UBR1: variants seen among roughly 807,000 people sequenced by gnomAD.
The protein encoded by UBR1 is E3 ubiquitin-protein ligase UBR1.
A neutral mutation model predicts 242.1 loss-of-function variants in UBR1; 102 were observed. The observed-to-expected ratio is 0.42, with a 90% CI of 0.36 to 0.50. The LOEUF is 0.50. UBR1 is among the 20% of genes least tolerant of loss of function. The pLI, the probability that UBR1 is intolerant of heterozygous loss-of-function variation, is 0.01. For synonymous variants in UBR1, 675 were observed against 684.8 expected, an observed-to-expected ratio of 0.99 and a Z score of 0.22; for missense variants, 1,772 against 2,101.8, an observed-to-expected ratio of 0.84 and a Z score of 3.07.
In UBR1 at chr15:42,943,271, C is replaced by G. The variant is rs951224625; in HGVS notation, c.*2058G>C. 1.3e-5 allele frequency: 2 copies of G among 152,630 alleles called. No individual in the cohort carries two copies. Among genetic ancestry groups the G allele is most frequent in the Non-Finnish European group, 2.9e-5 (2 of 68,046 alleles). 9.5% of individuals were successfully genotyped at this position (152,630 alleles called of 1,614,324 possible). A position where few individuals can be genotyped will look rare whatever the true frequency, so the allele number is the denominator to read the frequency against. ...CTGGAGCCATCCTGTTGAACCAGTG[C>G]CTTCACATACTACACTAAAGAAAAT... On this transcript the variant is annotated 3_prime_UTR_variant, in exon 47 of 47. Transcript: ENST00000290650.
At chr15:43,070,057 T>G (rs1427288172) in intron 5 of UBR1, among the ~76,000 whole-genome samples, 1 of 152,022 alleles carries the variant, frequency 6.6e-6, no homozygotes, top group Non-Finnish European at 1.5e-5. Flanking sequence ...GCCAGTAAAC[T>G]CAAAGAATGA....
In UBR1 at chr15:43,048,422, T is replaced by C; in HGVS notation, c.1509A>G (p.Arg503=). 6.2e-7 allele frequency: 1 copy of C among 1,613,652 alleles called. No homozygotes were observed. Among genetic ancestry groups the C allele is most frequent in the Non-Finnish European group, 8.5e-7 (1 of 1,179,844 alleles). ...TACAGGTAAGAATCTTCAAAAAAGATCGAAAACCTTCAAGGAACTGCATTC... is the reference window on the plus strand; with the variant it reads ...TACAGGTAAGAATCTTCAAAAAAGACCGAAAACCTTCAAGGAACTGCATTC... ...RLRMQFLEGF[R]SFLKILTCMQ... The change falls in exon 13 of 47, where the codon CGA becomes CGG. Residue 503 remains arginine (R), a synonymous_variant. Coordinates refer to ENST00000290650, the MANE Select transcript of UBR1 (RefSeq NM_174916.3).
chr15:42,972,806 C>T (rs1345747093), intron 39 of UBR1, among the ~76,000 whole-genome samples: 1 of 152,210 alleles, frequency 6.6e-6, no homozygotes, highest in Admixed American at 6.5e-5. Flanking sequence ...CTGCTATAAA[C>T]ATCCTTGTGC....
intron 44 of UBR1, among the ~76,000 whole-genome samples, chr15:42,957,355 C>T (rs1041529869): frequency 6.6e-6 from 1 of 151,986 alleles, no homozygotes; most frequent in African/African-American, 2.4e-5. Flanking sequence ...TTACAGATTA[C>T]CATAGGGTAC....
chr15:43,098,133 G>A (rs762712582), intron 1 of UBR1, among the ~76,000 whole-genome samples: 1 of 152,152 alleles, frequency 6.6e-6, no homozygotes, highest in South Asian at 2.1e-4. Flanking sequence ...CCCATCTTAG[G>A]GTATAGGGAT....
chr15:43,045,462 G>A (rs1434994438), intron 14 of UBR1, among the ~76,000 whole-genome samples: 1 of 151,918 alleles, frequency 6.6e-6, no homozygotes, highest in Admixed American at 6.6e-5. Context: ...GTAAGACCTT[G>A]TCTCTAAAAA....
At chr15:43,064,690 C>T (rs2033731478) in intron 6 of UBR1, among the ~76,000 whole-genome samples, 2 of 151,956 alleles carry the variant, frequency 1.3e-5, no homozygotes, top group Non-Finnish European at 2.9e-5. Flanking sequence ...AATTCTCCTG[C>T]CTCAGCCTCC....
At chr15:42,991,225 G>A (rs1193656205) in intron 33 of UBR1, among the ~76,000 whole-genome samples, 3 of 151,428 alleles carry the variant, frequency 2.0e-5, no homozygotes, top group East Asian at 1.9e-4. Context: ...GCAGTGAGCC[G>A]AGATCGCACC....
intron 30 of UBR1, among the ~76,000 whole-genome samples, chr15:43,005,619 T>G (rs1347086941): frequency 1.3e-5 from 2 of 152,192 alleles, no homozygotes; most frequent in Non-Finnish European, 2.9e-5. Flanking sequence ...GAACGGGCCA[T>G]GATGACGATG....
chr15:43,015,245 T>G (rs1396123954), intron 29 of UBR1, among the ~76,000 whole-genome samples: 3 of 152,186 alleles, frequency 2.0e-5, no homozygotes, highest in Non-Finnish European at 4.4e-5. Flanking sequence ...ATGGTTGCTG[T>G]GTCTGTGTAG....
At chr15:43,081,041 A>G (rs2033968864) in intron 3 of UBR1, among the ~76,000 whole-genome samples, 3 of 152,230 alleles carry the variant, frequency 2.0e-5, no homozygotes, top group Admixed American at 2.0e-4. Context: ...TTGTTGGATC[A>G]TATGATAAAA....
chr15:43,095,538 A>G (rs2034149392), intron 1 of UBR1, among the ~76,000 whole-genome samples: 1 of 151,100 alleles, frequency 6.6e-6, no homozygotes, highest in East Asian at 1.9e-4. Context: ...GAGTGTGACA[A>G]CATTAAAAAA....
chr15:43,013,939 C>T (rs529495839), intron 29 of UBR1, among the ~76,000 whole-genome samples: 141 of 152,112 alleles, frequency 9.3e-4, no homozygotes, highest in Non-Finnish European at 1.7e-3. Flanking sequence ...CGAGCTGAAG[C>T]TGGACTGTAC....
intron 45 of UBR1, among the ~76,000 whole-genome samples, chr15:42,951,308 C>T (rs1301310849): frequency 6.6e-6 from 1 of 151,960 alleles, no homozygotes; most frequent in Non-Finnish European, 1.5e-5. Context: ...CTGCAACCTC[C>T]ACCTCCCAGG....
At position 42,984,906 on chromosome 15, in the gene UBR1, C is replaced by G; in HGVS notation, c.4034G>C (p.Gly1345Ala). 1 of 1,611,828 alleles carries G rather than the reference C, an allele frequency of 6.2e-7. No individual in the cohort carries two copies. Reference protein sequence around the residue: ...LLGDEGKPLFGALQNRQHNGL... With the variant: ...LLGDEGKPLFAALQNRQHNGL... ...ACATACCTGCCTATTTTGAAGTGCT[C>G]CAAACAGAGGTTTTCCTTCATCTCC... Residue 1345 changes from glycine to alanine, a missense_variant, in exon 36 of 47, where the codon GGA becomes GCA. Physicochemically the swap from Gly to Ala is moderately conservative, Grantham distance 60. Around this residue, in one of 3 missense-constraint regions of UBR1, gnomAD observed 965 missense variants for 1,079.7 expected, o/e 0.89. Coordinates refer to ENST00000290650, the MANE Select transcript of UBR1 (RefSeq NM_174916.3).
chr15:42,952,993 G>A (rs1048658391), intron 44 of UBR1, among the ~76,000 whole-genome samples: 3 of 151,402 alleles, frequency 2.0e-5, no homozygotes, highest in Non-Finnish European at 4.4e-5. Context: ...GCATGATCTC[G>A]GCTCACTGCA....
chr15:43,027,233 A>G (rs10518793), intron 22 of UBR1, among the ~76,000 whole-genome samples: 10,478 of 152,160 alleles, frequency 0.069, 555 homozygotes, highest in African/African-American at 0.15. Context: ...TTACTAGATC[A>G]TAAGAAAAGC....
chr15:42,981,591 G>A (rs2032379462), intron 37 of UBR1, among the ~76,000 whole-genome samples: 6 of 151,970 alleles, frequency 3.9e-5, no homozygotes, highest in African/African-American at 7.3e-5. Flanking sequence ...CTGGGTTCAC[G>A]CCATTCTCCT....
intron 1 of UBR1, among the ~76,000 whole-genome samples, chr15:43,087,761 T>C (rs2034055519): frequency 6.6e-6 from 1 of 152,146 alleles, no homozygotes; most frequent in Non-Finnish European, 1.5e-5. Context: ...TTTTGCAGCA[T>C]GACTATTTTT....
Sources: allele counts gnomAD v4.1 joint callset (sites outside exome capture counted in the v4.1 genomes callset), GRCh38; gene constraint gnomAD v4.1.1; regional missense constraint gnomAD v4.1.1; transcripts MANE v1.5; gene names NCBI Gene and HGNC (gene_info 2026-07-23, HGNC 2026-07-21).